Variants in ACBD6 observed in about 807,000 individuals in gnomAD.
The protein encoded by ACBD6 is acyl-CoA binding domain containing 6.
A neutral mutation model predicts 37.2 loss-of-function variants in ACBD6; 28 were observed. The ratio of observed to expected loss-of-function variants is 0.75; its 90% confidence interval spans 0.56 to 1.03. ACBD6 has a LOEUF of 1.03. Among genes scored for constraint, ACBD6 ranks in the 50% least tolerant of loss-of-function variants. The pLI is 0.00. For synonymous variants in ACBD6, 113 were observed against 126.8 expected (o/e 0.89, Z 0.73); for missense variants, 340 against 337.4 (o/e 1.01, Z -0.06).
chr1:180,372,838 C>A (rs1382456829), intron 6 of ACBD6, among the ~76,000 whole-genome samples: 1 of 152,214 alleles, frequency 6.6e-6, no homozygotes, highest in Non-Finnish European at 1.5e-5. Flanking sequence ...TTGCCCTTAA[C>A]AGAACCAAGA....
chr1:180,342,414 A>T (rs1054309783), intron 6 of ACBD6, among the ~76,000 whole-genome samples: 4 of 152,118 alleles, frequency 2.6e-5, no homozygotes, highest in African/African-American at 9.6e-5. Context: ...ATCTAATCCA[A>T]TTGTAGTGTT....
intron 6 of ACBD6, among the ~76,000 whole-genome samples, chr1:180,377,861 C>T (rs1034275970): frequency 2.6e-5 from 4 of 151,904 alleles, no homozygotes; most frequent in African/African-American, 7.2e-5. Context: ...GCAGGAGATT[C>T]GCTTGAACCC....
chr1:180,364,734 A>ATTT (rs1426493483), intron 6 of ACBD6, among the ~76,000 whole-genome samples: 36 of 89,746 alleles, frequency 4.0e-4, no homozygotes, highest in African/African-American at 1.4e-3. Flanking sequence ...ATTCCTTTCT[A>ATTT]TCTTTTTTTT....
chr1:180,427,546 T>C (rs114660221), intron 4 of ACBD6, among the ~76,000 whole-genome samples: 2,335 of 152,308 alleles, frequency 0.015, 26 homozygotes, highest in South Asian at 0.03. Flanking sequence ...CCCATTTTCA[T>C]TGTTGCAATT....
intron 3 of ACBD6, among the ~76,000 whole-genome samples, chr1:180,473,159 T>C (rs1325748140): frequency 1.3e-5 from 2 of 152,194 alleles, no homozygotes; most frequent in Non-Finnish European, 2.9e-5. Context: ...TGTAAAACTT[T>C]TACACGGGCC....
chr1:180,432,205 C>CA (rs35887874), intron 3 of ACBD6, among the ~76,000 whole-genome samples: 2,488 of 141,482 alleles, frequency 0.018, 25 homozygotes, highest in Middle Eastern at 0.021. Context: ...GATTCTGTCT[C>CA]AAAAAAAAAA....
At chr1:180,493,441 ATTCT>A (rs1557893984) in intron 2 of ACBD6, among the ~76,000 whole-genome samples, 1 of 151,814 alleles carries the variant, frequency 6.6e-6, no homozygotes, top group Non-Finnish European at 1.5e-5. Flanking sequence ...TTCCCTGCCA[ATTCT>A]TTCTAAATTC....
intron 6 of ACBD6, among the ~76,000 whole-genome samples, chr1:180,344,142 C>T: frequency 6.6e-6 from 1 of 152,010 alleles, no homozygotes; most frequent in Non-Finnish European, 1.5e-5. Context: ...AGAGACTGAA[C>T]AGTTAAAAAA....
chr1:180,459,084 A>G (rs1650027110), intron 3 of ACBD6, among the ~76,000 whole-genome samples: 1 of 152,212 alleles, frequency 6.6e-6, no homozygotes, highest in African/African-American at 2.4e-5. Flanking sequence ...AATAATTCAT[A>G]TTATAAAGCA....
In ACBD6 at chr1:180,341,917, C is replaced by T. The variant is rs77032089; in HGVS notation, c.664-27195G>A. Among the ~76,000 whole-genome samples, 842 of 151,916 alleles carry T rather than the reference C, an allele frequency of 5.5e-3. 7 individuals carry two copies. The highest frequency in any genetic ancestry group is 0.019 in the African/African-American group (795 of 41,410). On this transcript the variant is annotated intron_variant, in intron 6 of 7. Coordinates refer to ENST00000367595, the MANE Select transcript of ACBD6 (RefSeq NM_032360.4). ...TGTTCCAAGGAAAAACTCATCAAAC[C>T]GACTAAAATCATGGTTACTTATAAG...
chr1:180,432,043 TAAAAATGCAA>T (rs1344407579), intron 3 of ACBD6, among the ~76,000 whole-genome samples: 1 of 151,868 alleles, frequency 6.6e-6, no homozygotes, highest in Non-Finnish European at 1.5e-5. Context: ...CCACCTCTAC[TAAAAATGCAA>T]AAAACTAGCC....
chr1:180,366,500 A>G (rs1653061694), intron 6 of ACBD6, among the ~76,000 whole-genome samples: 1 of 152,244 alleles, frequency 6.6e-6, no homozygotes, highest in African/African-American at 2.4e-5. Context: ...GCAATTTACT[A>G]TAGCAGGTCA....
Position 180,502,288 on chromosome 1 carries a change from C to T in ACBD6, c.-22G>A. ...CCATGTCTCCTTGCTCGCTCCGTCCCTCTGTGTCCGGTCTGTCCTCCTTGG... is the reference window on the plus strand; with the variant it reads ...CCATGTCTCCTTGCTCGCTCCGTCCTTCTGTGTCCGGTCTGTCCTCCTTGG... On this transcript the variant is annotated 5_prime_UTR_variant, in exon 1 of 8. Transcript: ENST00000367595. 6.2e-7 allele frequency: 1 copy of T among 1,611,256 alleles called. No homozygotes were observed. Among genetic ancestry groups the T allele is most frequent in the Non-Finnish European group, 8.5e-7 (1 of 1,179,580 alleles).
intron 3 of ACBD6, among the ~76,000 whole-genome samples, chr1:180,487,552 A>T (rs1028994577): frequency 1.3e-5 from 2 of 152,146 alleles, no homozygotes; most frequent in African/African-American, 4.8e-5. Context: ...CTGCTGCAGT[A>T]CCATGTTTGT....
chr1:180,351,992 A>G (rs1652438665), intron 6 of ACBD6, among the ~76,000 whole-genome samples: 1 of 152,210 alleles, frequency 6.6e-6, no homozygotes, highest in African/African-American at 2.4e-5. Flanking sequence ...ATTCTGACAC[A>G]TGCTACAACA....
intron 3 of ACBD6, among the ~76,000 whole-genome samples, chr1:180,436,733 T>C (rs1649052470): frequency 6.6e-6 from 1 of 152,186 alleles, no homozygotes; most frequent in African/African-American, 2.4e-5. Context: ...TGTGTGGAAT[T>C]AGATCCTCCC....
intron 6 of ACBD6, among the ~76,000 whole-genome samples, chr1:180,324,877 A>T (rs190201096): frequency 6.6e-6 from 1 of 152,004 alleles, no homozygotes; most frequent in Non-Finnish European, 1.5e-5. Context: ...TTCTAGGGTA[A>T]ATTTTTTTTT....
At chr1:180,356,025 G>A (rs1222104634) in intron 6 of ACBD6, among the ~76,000 whole-genome samples, 1 of 119,648 alleles carries the variant, frequency 8.4e-6, no homozygotes, top group Non-Finnish European at 2.0e-5. Context: ...ACGCCACCAC[G>A]CCCGGCTAAT....
chr1:180,302,603 T>C (rs1650174884), intron 7 of ACBD6, among the ~76,000 whole-genome samples: 2 of 152,096 alleles, frequency 1.3e-5, no homozygotes. Context: ...TTTGAGCCTA[T>C]GCAAATCCTT....
Sources: allele counts gnomAD v4.1 joint callset (sites outside exome capture counted in the v4.1 genomes callset), GRCh38; gene constraint gnomAD v4.1.1; transcripts MANE v1.5; gene names NCBI Gene and HGNC (gene_info 2026-07-23, HGNC 2026-07-21).